KCNH7: variants seen among roughly 807,000 people sequenced by gnomAD.
KCNH7 encodes the protein voltage-gated inwardly rectifying potassium channel KCNH7.
A neutral mutation model predicts 120.8 loss-of-function variants in KCNH7; 49 were observed. The ratio of observed to expected loss-of-function variants is 0.41; its 90% confidence interval spans 0.32 to 0.51. The LOEUF is 0.51. Among genes scored for constraint, KCNH7 ranks in the 20% least tolerant of loss-of-function variants. The pLI is 0.38. For synonymous variants in KCNH7, 547 were observed against 516.1 expected, an observed-to-expected ratio of 1.06 and a Z score of -0.81; for missense variants, 1,097 against 1,446.6, an observed-to-expected ratio of 0.76 and a Z score of 3.92.
chr2:162,782,375 G>C (rs1221539612), intron 2 of KCNH7, among the ~76,000 whole-genome samples: 1 of 152,166 alleles, frequency 6.6e-6, no homozygotes, highest in Admixed American at 6.5e-5. Context: ...CTGAGAAGTC[G>C]ACATTTGAAG....
chr2:162,629,738 T>A (rs1683698776), intron 2 of KCNH7, among the ~76,000 whole-genome samples: 1 of 152,008 alleles, frequency 6.6e-6, no homozygotes, highest in Non-Finnish European at 1.5e-5. Flanking sequence ...ATGGTATGAG[T>A]ATTTACACTC....
chr2:162,697,948 A>T (rs1014019229), intron 2 of KCNH7, among the ~76,000 whole-genome samples: 4 of 152,126 alleles, frequency 2.6e-5, no homozygotes, highest in African/African-American at 7.2e-5. Flanking sequence ...AATTTCCCAA[A>T]TTGGACTTCC....
chr2:162,684,969 C>T (rs978554174), intron 2 of KCNH7, among the ~76,000 whole-genome samples: 4 of 152,024 alleles, frequency 2.6e-5, no homozygotes, highest in African/African-American at 9.7e-5. Flanking sequence ...CAGTGATAGA[C>T]TGGATAAAGA....
At chr2:162,396,025 T>A (rs1686903542) in intron 11 of KCNH7, among the ~76,000 whole-genome samples, 1 of 151,766 alleles carries the variant, frequency 6.6e-6, no homozygotes, top group Non-Finnish European at 1.5e-5. Context: ...GGAAGAGGAA[T>A]AACCTAGTAA....
At chr2:162,501,199 T>C (rs1690675518) in intron 6 of KCNH7, among the ~76,000 whole-genome samples, 1 of 152,108 alleles carries the variant, frequency 6.6e-6, no homozygotes, top group Non-Finnish European at 1.5e-5. Flanking sequence ...TCTCAGCCTT[T>C]ATTCAGTCCC....
chr2:162,624,625 AAT>A (rs1300415817), intron 2 of KCNH7, among the ~76,000 whole-genome samples: 1 of 152,154 alleles, frequency 6.6e-6, no homozygotes, highest in East Asian at 1.9e-4. Flanking sequence ...TCCAAAATGT[AAT>A]AGACACGTCC....
intron 7 of KCNH7, among the ~76,000 whole-genome samples, chr2:162,437,750 T>C (rs1400458490): frequency 6.6e-6 from 1 of 152,156 alleles, no homozygotes; most frequent in Admixed American, 6.6e-5. Flanking sequence ...TTTCTTTCCA[T>C]CAATAAGCAG....
At chr2:162,651,782 G>T (rs770620946) in intron 2 of KCNH7, among the ~76,000 whole-genome samples, 4 of 152,112 alleles carry the variant, frequency 2.6e-5, no homozygotes, top group Non-Finnish European at 5.9e-5. Flanking sequence ...TTGTCATACT[G>T]CTTTCTACAA....
chr2:162,395,544 T>C (rs1471671669), intron 11 of KCNH7, among the ~76,000 whole-genome samples: 1 of 151,710 alleles, frequency 6.6e-6, no homozygotes. Context: ...AACTTTTATA[T>C]AAAGAAGTTA....
At chr2:162,513,110 T>C (rs147602460) in intron 4 of KCNH7, among the ~76,000 whole-genome samples, 131 of 151,896 alleles carry the variant, frequency 8.6e-4, no homozygotes, top group African/African-American at 2.9e-3. Flanking sequence ...TAACCTAGTA[T>C]GTTAATAAGG....
Position 162,838,545 on chromosome 2 carries a change from T to TCCC in KCNH7, c.-30_-28dup. On this transcript the variant is annotated 5_prime_UTR_variant, in exon 1 of 16. Transcript: ENST00000332142. ...TTGGCCCCGGTCTTCCGAGGAGCGCTCCCCCGGAGCTCTGGAGTTCTCCCG... is the reference window on the plus strand; with the variant it reads ...TTGGCCCCGGTCTTCCGAGGAGCGCTCCCCCCCCGGAGCTCTGGAGTTCTCCCG... The TCCC allele has an allele frequency of 6.3e-7, 1 of 1,590,222 alleles. No individual in the cohort carries two copies. Among genetic ancestry groups the TCCC allele is most frequent in the Non-Finnish European group, 8.6e-7 (1 of 1,162,670 alleles).
At chr2:162,604,723 C>T (rs1001269160) in intron 2 of KCNH7, among the ~76,000 whole-genome samples, 10 of 152,018 alleles carry the variant, frequency 6.6e-5, no homozygotes, top group African/African-American at 2.4e-4. Flanking sequence ...TACTTCAACT[C>T]TATTTATCGT....
At chr2:162,433,680 A>G (rs557755521) in intron 8 of KCNH7, among the ~76,000 whole-genome samples, 3 of 152,214 alleles carry the variant, frequency 2.0e-5, no homozygotes, top group African/African-American at 7.2e-5. Flanking sequence ...AGAATCCTAG[A>G]AGAAAACCTA....
intron 5 of KCNH7, among the ~76,000 whole-genome samples, chr2:162,506,807 C>T (rs1321354684): frequency 6.6e-6 from 1 of 151,826 alleles, no homozygotes; most frequent in Non-Finnish European, 1.5e-5. Flanking sequence ...ATTGGCTACA[C>T]TTATATAAGC....
At chr2:162,825,823 A>G (rs942048077) in intron 2 of KCNH7, among the ~76,000 whole-genome samples, 2 of 152,154 alleles carry the variant, frequency 1.3e-5, no homozygotes, top group African/African-American at 4.8e-5. Context: ...TGTGATACAT[A>G]TAGTGCTGCC....
intron 2 of KCNH7, among the ~76,000 whole-genome samples, chr2:162,802,875 AT>A (rs1247845316): frequency 4.6e-5 from 7 of 151,882 alleles, no homozygotes; most frequent in African/African-American, 1.7e-4. Flanking sequence ...TATGCTTCAG[AT>A]TTTTTATTTA....
At chr2:162,693,526 C>A (rs563284403) in intron 2 of KCNH7, among the ~76,000 whole-genome samples, 2 of 152,212 alleles carry the variant, frequency 1.3e-5, no homozygotes, top group East Asian at 3.9e-4. Flanking sequence ...TATGTTCAAG[C>A]AGCATCAGGA....
intron 2 of KCNH7, among the ~76,000 whole-genome samples, chr2:162,683,650 T>A (rs1685786891): frequency 1.3e-5 from 2 of 151,926 alleles, no homozygotes; most frequent in Admixed American, 1.3e-4. Flanking sequence ...TATTTAGACA[T>A]CATGTTTCTC....
chr2:162,787,866 G>A (rs1225435400), intron 2 of KCNH7, among the ~76,000 whole-genome samples: 1 of 152,114 alleles, frequency 6.6e-6, no homozygotes, highest in East Asian at 1.9e-4. Context: ...AAGGCTCCAG[G>A]CCCACGTGCT....
Sources: gnomAD v4.1 joint callset for allele counts (sites outside exome capture counted in the v4.1 genomes callset) on GRCh38, gnomAD v4.1.1 for gene constraint, MANE v1.5 for transcripts, NCBI Gene and HGNC (gene_info 2026-07-23, HGNC 2026-07-21) for gene names.